SPTLC3: variants seen among roughly 807,000 people sequenced by gnomAD.
SPTLC3 encodes the protein serine palmitoyltransferase long chain base subunit 3, also known as serine palmitoyltransferase 3.
In SPTLC3, 36 loss-of-function variants were observed where a neutral mutation model predicts 59.3. The observed-to-expected ratio is 0.61, with a 90% confidence interval of 0.47 to 0.80. SPTLC3 has a LOEUF of 0.80. SPTLC3 is among the 30% of genes least tolerant of loss of function. SPTLC3 has a pLI of 0.00. For synonymous variants in SPTLC3, 257 were observed against 240.8 expected, an observed-to-expected ratio of 1.07 and a Z score of -0.62; for missense variants, 625 against 685.1, an observed-to-expected ratio of 0.91 and a Z score of 0.98.
intron 4 of SPTLC3, among the ~76,000 whole-genome samples, chr20:13,074,891 A>T (rs907887232): frequency 2.6e-5 from 4 of 152,042 alleles, no homozygotes; most frequent in Admixed American, 6.6e-5. Flanking sequence ...GAGAAGAGGG[A>T]TTGGACTTGT....
intron 4 of SPTLC3, among the ~76,000 whole-genome samples, chr20:13,077,765 T>C (rs1988697411): frequency 6.6e-6 from 1 of 151,848 alleles, no homozygotes; most frequent in African/African-American, 2.4e-5. Flanking sequence ...GTAATTTCTA[T>C]TGAGCCAAGC....
At chr20:13,146,858 C>T (rs1170775819) in intron 9 of SPTLC3, among the ~76,000 whole-genome samples, 1 of 152,132 alleles carries the variant, frequency 6.6e-6, no homozygotes, top group Non-Finnish European at 1.5e-5. Context: ...TCCAAAGAGC[C>T]AACTTTGATA....
chr20:13,041,399 T>C (rs1317812016), intron 1 of SPTLC3, among the ~76,000 whole-genome samples: 1 of 152,166 alleles, frequency 6.6e-6, no homozygotes, highest in East Asian at 1.9e-4. Context: ...TCTAGTAAGT[T>C]TTTGTTTCTG....
At chr20:13,101,015 A>T (rs1989583067) in intron 6 of SPTLC3, among the ~76,000 whole-genome samples, 1 of 152,174 alleles carries the variant, frequency 6.6e-6, no homozygotes, top group Admixed American at 6.5e-5. Context: ...ACCAGGGCAC[A>T]GGAAGGCAGC....
In SPTLC3 at chr20:13,072,339, C is replaced by T. The variant is rs747566235; in HGVS notation, c.387C>T (p.Pro129=). ...GAATCAGAGACAACTGGAACCGGCCCATCTGCAGTGCCCCAGGGCCTCTGT... is the reference window on the plus strand; with the variant it reads ...GAATCAGAGACAACTGGAACCGGCCTATCTGCAGTGCCCCAGGGCCTCTGT... ...YMRIRDNWNR[P]ICSAPGPLFD... is the part of the protein sequence containing the mutation. The change falls in exon 3 of 12, where the codon CCC becomes CCT. Residue 129 remains proline (P), a synonymous_variant. Transcript: ENST00000399002. 6.2e-7 allele frequency: 1 copy of T among 1,613,810 alleles called. No individual in the cohort carries two copies. The highest frequency in any genetic ancestry group is 1.1e-5 in the South Asian group (1 of 91,036).
At chr20:13,142,894 A>G (rs1406704093) in intron 9 of SPTLC3, among the ~76,000 whole-genome samples, 2 of 151,888 alleles carry the variant, frequency 1.3e-5, no homozygotes, top group Non-Finnish European at 2.9e-5. Flanking sequence ...TCTCCCTCAC[A>G]TCAAATACCC....
At position 13,168,572 on chromosome 20, in the gene SPTLC3, A is replaced by G. The variant is rs1228703944; in HGVS notation, c.*3705A>G. 1 of 152,214 alleles carries G rather than the reference A, an allele frequency of 6.6e-6. No homozygotes were observed. The highest frequency in any genetic ancestry group is 1.9e-4 in the East Asian group (1 of 5,200). The allele number at this position is 152,214 out of a possible 1,614,324, so 9.4% of individuals were successfully genotyped here. On this transcript the variant is annotated 3_prime_UTR_variant, in exon 12 of 12. Coordinates refer to ENST00000399002, the MANE Select transcript of SPTLC3 (RefSeq NM_018327.4). ...TTATTTATTCCAACAACAGCTCTTC[A>G]GTAGGGTAAAAGTCTTAACAGTTCT...
intron 1 of SPTLC3, among the ~76,000 whole-genome samples, chr20:13,014,159 G>C (rs941890050): frequency 6.6e-6 from 1 of 152,242 alleles, no homozygotes; most frequent in African/African-American, 2.4e-5. Flanking sequence ...GTCCAGCTGA[G>C]ATGCAAGGCG....
chr20:13,042,783 GT>G (rs1387577425), intron 1 of SPTLC3, among the ~76,000 whole-genome samples: 1 of 152,180 alleles, frequency 6.6e-6, no homozygotes, highest in Non-Finnish European at 1.5e-5. Context: ...CAGACTCTCA[GT>G]GTTCTTTTTT....
In SPTLC3 at chr20:13,160,076, G is replaced by A; in HGVS notation, c.1489G>A (p.Glu497Lys). The A allele has an allele frequency of 1.2e-6, 2 of 1,613,758 alleles. No individual in the cohort carries two copies. Among genetic ancestry groups the A allele is most frequent in the Non-Finnish European group, 1.7e-6 (2 of 1,179,938 alleles). Residue 497 changes from glutamate to lysine, a missense_variant, in exon 11 of 12, where the codon GAA (glutamate) becomes AAA (lysine). Physicochemically the swap from Glu to Lys is moderately conservative, Grantham distance 56. Transcript: ENST00000399002. The part of the protein sequence containing the change: ...VVGFPATPLA[E>K]ARARFCVSAA... ...GGGATTTCCAGCCACTCCCCTCGCA[G>A]AAGCTCGGGCTCGGTTTTGTGTTTC...
At chr20:13,032,448 T>C (rs1399786443) in intron 1 of SPTLC3, among the ~76,000 whole-genome samples, 1 of 152,196 alleles carries the variant, frequency 6.6e-6, no homozygotes, top group African/African-American at 2.4e-5. Flanking sequence ...TGGCTTACCC[T>C]GCTATCAAAG....
intron 1 of SPTLC3, among the ~76,000 whole-genome samples, chr20:13,038,054 A>G (rs1289276338): frequency 6.6e-6 from 1 of 151,002 alleles, no homozygotes; most frequent in Non-Finnish European, 1.5e-5. Context: ...GAATATATAT[A>G]TATATAATAT....
At chr20:13,015,216 G>A (rs571535862) in intron 1 of SPTLC3, among the ~76,000 whole-genome samples, 2 of 152,012 alleles carry the variant, frequency 1.3e-5, no homozygotes, top group African/African-American at 4.8e-5. Context: ...ATATATCAAG[G>A]GTAAATATTA....
chr20:13,100,447 G>A (rs766410515), intron 6 of SPTLC3, among the ~76,000 whole-genome samples: 1 of 152,150 alleles, frequency 6.6e-6, no homozygotes, highest in Admixed American at 6.5e-5. Context: ...CTGGGTACTA[G>A]AGCCAGGCCT....
intron 2 of SPTLC3, among the ~76,000 whole-genome samples, chr20:13,058,187 AT>A (rs770394318): frequency 6.6e-6 from 1 of 152,124 alleles, no homozygotes; most frequent in Non-Finnish European, 1.5e-5. Flanking sequence ...AAATATCTAA[AT>A]GTTTGCATAA....
intron 1 of SPTLC3, among the ~76,000 whole-genome samples, chr20:13,037,081 G>T (rs973991364): frequency 6.6e-6 from 1 of 152,118 alleles, no homozygotes; most frequent in Non-Finnish European, 1.5e-5. Flanking sequence ...CCACAGGAAG[G>T]TTGCTGTAAT....
chr20:13,164,282 A>G (rs2038953496), intron 11 of SPTLC3: 2 of 460,658 alleles, frequency 4.3e-6, no homozygotes, highest in African/African-American at 4.0e-5. Context: ...TAAAAGCAGG[A>G]GGCCTGGGGT....
intron 4 of SPTLC3, among the ~76,000 whole-genome samples, chr20:13,082,782 C>T (rs1323527916): frequency 1.3e-5 from 2 of 152,172 alleles, no homozygotes; most frequent in Non-Finnish European, 2.9e-5. Context: ...AAACACCAAG[C>T]TCCTTCCTTT....
intron 4 of SPTLC3, among the ~76,000 whole-genome samples, chr20:13,079,201 A>G (rs1417301427): frequency 1.3e-5 from 2 of 152,198 alleles, no homozygotes; most frequent in East Asian, 1.9e-4. Context: ...TTCTTCCCCA[A>G]ACAAATACGT....
Sources: allele counts gnomAD v4.1 joint callset (sites outside exome capture counted in the v4.1 genomes callset), GRCh38; gene constraint gnomAD v4.1.1; transcripts MANE v1.5; gene names NCBI Gene and HGNC (gene_info 2026-07-23, HGNC 2026-07-21).